The following STK3 variants were observed in gnomAD, a reference collection of about 807,000 sequenced individuals.
The protein encoded by STK3 is serine/threonine kinase 3.
Under a neutral mutation model 58.0 loss-of-function variants are expected in STK3, and 41 were observed. The ratio of observed to expected loss-of-function variants is 0.71; its 90% CI spans 0.55 to 0.92. STK3 has a LOEUF of 0.92. Among genes scored for constraint, STK3 ranks in the 40% least tolerant of loss-of-function variants. The pLI is 0.00. For missense variants in STK3, 479 were observed against 602.7 expected (o/e 0.79, Z 2.15); for synonymous variants, 170 against 191.0 (o/e 0.89, Z 0.91).
chr8:98,570,615 G>C (rs966470010), intron 8 of STK3, among the ~76,000 whole-genome samples: 6 of 151,816 alleles, frequency 4.0e-5, no homozygotes, highest in Non-Finnish European at 8.8e-5. Flanking sequence ...AAACCAGTAA[G>C]GGCAACCAGC....
intron 3 of STK3, among the ~76,000 whole-genome samples, chr8:98,840,555 G>C: frequency 7.3e-6 from 1 of 136,306 alleles, no homozygotes; most frequent in African/African-American, 2.8e-5. Flanking sequence ...TGGGGCAACA[G>C]AGTGACAACC....
chr8:98,529,380 T>C (rs745879860), intron 9 of STK3, among the ~76,000 whole-genome samples: 7 of 152,138 alleles, frequency 4.6e-5, no homozygotes, highest in African/African-American at 1.2e-4. Context: ...ATTTGACAGA[T>C]TGGAAGCCTA....
At position 98,547,969 on chromosome 8, in the gene STK3, T is replaced by G; in HGVS notation, c.1141A>C (p.Arg381=). The G allele has an allele frequency of 6.4e-7, 1 of 1,570,428 alleles. No homozygotes were observed. Among genetic ancestry groups the G allele is most frequent in the Admixed American group, 1.9e-5 (1 of 51,882 alleles). Reference sequence around the variant, plus strand: ...TATTTAATGTAAAAAAGCCACATACTTTTCATAGTTCCATCTTCTTCTTCC... The same window carrying G: ...TATTTAATGTAAAAAAGCCACATACGTTTCATAGTTCCATCTTCTTCTTCC... ...DEEEEDGTMK[R]NATSPQVQRP... is the part of the protein sequence containing the mutation. Residue 381 remains arginine, a splice_region_variant and synonymous_variant, in exon 9 of 11, where the codon AGA becomes CGA. Transcript: ENST00000419617.
chr8:98,695,866 T>A (rs574212755), intron 6 of STK3, among the ~76,000 whole-genome samples: 1 of 152,344 alleles, frequency 6.6e-6, no homozygotes, highest in East Asian at 1.9e-4. Flanking sequence ...GGGTTCCATA[T>A]GAACTTTAAA....
In STK3 at chr8:98,428,847, T is replaced by C; in HGVS notation, n.483+5280A>G. On this transcript the variant is annotated intron_variant and non_coding_transcript_variant, in intron 3 of 3. Transcript: ENST00000517832. This position sits in a 1 kb window ranked among gnomAD's most constrained non-coding sequence, Gnocchi z 6.7. ...GGAGAGCACACCTACTTTAGCCAAC[T>C]TGGGCAGGGTGGCCCAGGTCCTGAG... is the stretch of plus-strand genomic sequence containing the variant. 6.2e-7 allele frequency: 1 copy of C among 1,614,164 alleles called. No individual in the cohort carries two copies.
chr8:98,388,299 C>T (rs944493791), upstream of STK3: 1 of 152,210 alleles, frequency 6.6e-6, no homozygotes, highest in South Asian at 2.1e-4. Context: ...ATTGTAGCCC[C>T]CACTGTTATA....
upstream of STK3, among the ~76,000 whole-genome samples, chr8:98,390,603 C>G (rs76042145): frequency 4.7e-3 from 718 of 152,118 alleles, 8 homozygotes; most frequent in African/African-American, 0.016. Context: ...ATTATTTCTT[C>G]AAGTTTTTTT....
At position 98,545,893 on chromosome 8, in the gene STK3, G is replaced by A. The variant is rs1006542330; in HGVS notation, c.1141+2076C>T. 5.9e-5 allele frequency among the ~76,000 whole-genome samples: 9 copies of A among 152,068 alleles called. No homozygotes were observed. In the South Asian group the frequency reaches 8.3e-4, roughly 14 times the overall value. ...AAAAACAAAACTACAATAATTATAT[G>A]GTTTCAGAAAAAGTAAGTCTTCCCT... On this transcript the variant is annotated intron_variant, in intron 9 of 10. Transcript: ENST00000419617.
intron 1 of STK3, among the ~76,000 whole-genome samples, chr8:98,898,111 G>C (rs1424686004): frequency 6.6e-6 from 1 of 152,242 alleles, no homozygotes; most frequent in African/African-American, 2.4e-5. Context: ...GAAGCACTCA[G>C]ATTACCAGGT....
At chr8:98,385,113 G>C (rs924569566) in intron 1 of STK3, among the ~76,000 whole-genome samples, 47 of 152,116 alleles carry the variant, frequency 3.1e-4, no homozygotes, top group African/African-American at 1.1e-3. Flanking sequence ...CCCCAGGAGA[G>C]AAATATTTCC....
Position 98,932,185 on chromosome 8 carries a change from G to GA in STK3, c.-79+10192dup, listed in dbSNP as rs751029012. Among the ~76,000 whole-genome samples the GA allele has an allele frequency of 1.9e-3, 280 of 150,298 alleles. 1 individual carries two copies. Among genetic ancestry groups the GA allele is most frequent in the Middle Eastern group, 6.8e-3 (2 of 292 alleles). The stretch of plus-strand genomic sequence containing the variant: ...AGCAAGTGAGAAGCCAATGAAAGGG[G>GA]AAAAAAAAATAAGAGAAAATACTAT... On this transcript the variant is annotated intron_variant, in intron 1 of 1. Transcript: ENST00000519420.
chr8:98,494,070 A>C (rs1166325510), intron 10 of STK3, among the ~76,000 whole-genome samples: 1 of 152,048 alleles, frequency 6.6e-6, no homozygotes, highest in East Asian at 1.9e-4. Flanking sequence ...AATTTTTTGC[A>C]ATTCTGTTTC....
At chr8:98,936,380 T>A (rs1479761971) in intron 1 of STK3, among the ~76,000 whole-genome samples, 1 of 152,180 alleles carries the variant, frequency 6.6e-6, no homozygotes, top group African/African-American at 2.4e-5. Flanking sequence ...TATTTACTTG[T>A]ACATCTTCCC....
intron 6 of STK3, among the ~76,000 whole-genome samples, chr8:98,699,744 C>T (rs1182472311): frequency 6.6e-5 from 10 of 152,132 alleles, no homozygotes; most frequent in Non-Finnish European, 1.0e-4. Context: ...GAGGAGTACC[C>T]GGCCGTGTGA....
At position 98,436,816 on chromosome 8, in the gene STK3, C is replaced by T. The variant is rs79782085; in HGVS notation, n.291+287G>A. ...GACTTGGGTTCAGGTGGCTTTCAGA[C>T]CACTCATGGGGAAACACTACTTCAG... On this transcript the variant is annotated intron_variant and non_coding_transcript_variant, in intron 2 of 3. Transcript: ENST00000517832. 309 of 152,290 alleles carry T rather than the reference C, an allele frequency of 2.0e-3. 1 individual carries two copies. Among genetic ancestry groups the T allele is most frequent in the African/African-American group, 7.0e-3 (290 of 41,554 alleles). The allele number at this position is 152,290 out of a possible 1,614,324, so 9.4% of individuals were successfully genotyped here.
chr8:98,538,601 A>G (rs1283287801), intron 9 of STK3, among the ~76,000 whole-genome samples: 1 of 152,236 alleles, frequency 6.6e-6, no homozygotes, highest in Non-Finnish European at 1.5e-5. Context: ...TTAGTTAAAT[A>G]AAAGGAAGGA....
At chr8:98,508,126 G>C (rs192476125) in intron 10 of STK3, among the ~76,000 whole-genome samples, 46 of 152,176 alleles carry the variant, frequency 3.0e-4, no homozygotes, top group African/African-American at 1.1e-3. Context: ...AACAGTGCCA[G>C]GCATGTATTA....
At chr8:98,821,577 C>T (rs1403602847) in intron 1 of STK3, among the ~76,000 whole-genome samples, 1 of 151,086 alleles carries the variant, frequency 6.6e-6, no homozygotes, top group Non-Finnish European at 1.5e-5. Flanking sequence ...GAGAGGATCA[C>T]CTGAGCACAG....
At chr8:98,531,715 T>C (rs1467603923) in intron 9 of STK3, among the ~76,000 whole-genome samples, 7 of 152,224 alleles carry the variant, frequency 4.6e-5, no homozygotes, top group African/African-American at 1.7e-4. Flanking sequence ...AATTCTGTTG[T>C]TTAGGGTAGC....
Sources: allele counts gnomAD v4.1 joint callset (sites outside exome capture counted in the v4.1 genomes callset), GRCh38; gene constraint gnomAD v4.1.1; non-coding constraint Gnocchi (gnomAD v3.1); transcripts MANE v1.5; gene names NCBI Gene and HGNC (gene_info 2026-07-23, HGNC 2026-07-21).